Variants in PCCA observed in about 807,000 individuals in gnomAD.
The protein encoded by PCCA is propionyl-CoA carboxylase alpha chain, mitochondrial.
Under a neutral mutation model 101.3 loss-of-function variants are expected in PCCA, and 74 were observed. The observed-to-expected ratio is 0.73, with a 90% CI of 0.61 to 0.89. PCCA has a LOEUF of 0.89. Ranked by LOEUF, PCCA falls within the 40% of genes least tolerant of loss-of-function variation. PCCA has a pLI of 0.00. For synonymous variants in PCCA, 294 were observed against 313.6 expected (o/e 0.94, Z 0.66); for missense variants, 891 against 907.0 (o/e 0.98, Z 0.23).
At chr13:100,446,576 G>A (rs1214156555) in intron 20 of PCCA, among the ~76,000 whole-genome samples, 3 of 152,188 alleles carry the variant, frequency 2.0e-5, no homozygotes, top group Non-Finnish European at 4.4e-5. Context: ...GAGGTAGATG[G>A]ATGATTAGAT....
At chr13:100,498,964 T>C (rs2893025) in intron 21 of PCCA, among the ~76,000 whole-genome samples, 73,178 of 152,042 alleles carry the variant, frequency 0.48, 18,353 homozygotes, top group East Asian at 0.83. Context: ...GGCATTGATT[T>C]GGTTCTCTGG....
At chr13:100,166,230 T>C (rs370094621) in intron 6 of PCCA, among the ~76,000 whole-genome samples, 1 of 151,754 alleles carries the variant, frequency 6.6e-6, no homozygotes, top group South Asian at 2.1e-4. Flanking sequence ...ACACAAGTTA[T>C]GCTGTTTTTT....
chr13:100,343,059 G>A (rs1401944648), intron 18 of PCCA, among the ~76,000 whole-genome samples: 4 of 152,142 alleles, frequency 2.6e-5, no homozygotes, highest in Admixed American at 6.6e-5. Flanking sequence ...GCGGGGGCGT[G>A]GTGGCGGGTG....
At chr13:100,397,805 C>G (rs970305619) in intron 19 of PCCA, among the ~76,000 whole-genome samples, 1 of 151,990 alleles carries the variant, frequency 6.6e-6, no homozygotes, top group Non-Finnish European at 1.5e-5. Flanking sequence ...GTGTGACTGT[C>G]GTTCAGAACA....
At chr13:100,296,430 T>C (rs960735600) in intron 12 of PCCA, among the ~76,000 whole-genome samples, 2 of 150,702 alleles carry the variant, frequency 1.3e-5, no homozygotes, top group African/African-American at 4.9e-5. Context: ...TTTTTTTTTT[T>C]AAATAGAGAC....
At chr13:100,523,410 C>T (rs837323) in intron 22 of PCCA, among the ~76,000 whole-genome samples, 82,465 of 151,950 alleles carry the variant, frequency 0.54, 22,857 homozygotes, top group East Asian at 0.77. Flanking sequence ...AATTGGCAGC[C>T]TATATCCATT....
chr13:100,302,987 C>T lies in PCCA; in HGVS notation c.1273C>T (p.His425Tyr). The change falls in exon 14 of 24, where the codon CAT (histidine) becomes TAT (tyrosine). Residue 425 changes from histidine (H) to tyrosine (Y), a missense_variant. Coordinates refer to ENST00000376285, the MANE Select transcript of PCCA (RefSeq NM_000282.4). ...ATTGTCTCAGTACCAAGAACCGTTA[C>T]ATCTACCTGGTGTAAGTCATTAAGC... is the stretch of plus-strand genomic sequence containing the variant. ...GRLSQYQEPLHLPGVRVDSGI... is the reference protein window; with the variant it reads ...GRLSQYQEPLYLPGVRVDSGI... 6.3e-7 allele frequency: 1 copy of T among 1,583,420 alleles called. No homozygotes were observed. Among genetic ancestry groups the T allele is most frequent in the East Asian group, 2.2e-5 (1 of 44,678 alleles).
chr13:100,142,771 G>C (rs2052042447), intron 4 of PCCA, among the ~76,000 whole-genome samples: 1 of 152,166 alleles, frequency 6.6e-6, no homozygotes, highest in East Asian at 1.9e-4. Flanking sequence ...ACCACACCCA[G>C]CTGAAATGAA....
chr13:100,404,492 TC>T (rs2077553698), intron 19 of PCCA, among the ~76,000 whole-genome samples: 1 of 151,256 alleles, frequency 6.6e-6, no homozygotes, highest in Non-Finnish European at 1.5e-5. Context: ...TTCAAAGGAG[TC>T]CTGGGGGTCC....
intron 18 of PCCA, among the ~76,000 whole-genome samples, chr13:100,356,389 G>T (rs1422233879): frequency 2.0e-5 from 3 of 151,966 alleles, no homozygotes; most frequent in Non-Finnish European, 4.4e-5. Context: ...CTAGTATAGG[G>T]AATTCTTACA....
chr13:100,267,979 A>G (rs1291031834), intron 10 of PCCA, among the ~76,000 whole-genome samples: 2 of 152,102 alleles, frequency 1.3e-5, no homozygotes, highest in Admixed American at 6.6e-5. Flanking sequence ...AGTGTTTCAG[A>G]TTTCAGATTT....
chr13:100,425,971 A>G (rs547744251), intron 20 of PCCA, among the ~76,000 whole-genome samples: 14 of 151,540 alleles, frequency 9.2e-5, no homozygotes, highest in Non-Finnish European at 1.6e-4. Context: ...TTTGTTGTAA[A>G]CAAGGAATTC....
chr13:100,468,006 A>G (rs1253295311), intron 21 of PCCA, among the ~76,000 whole-genome samples: 2 of 152,222 alleles, frequency 1.3e-5, no homozygotes, highest in East Asian at 1.9e-4. Context: ...TGCTTGATCC[A>G]TGGGCTGCGG....
chr13:100,354,107 TAATAA>T (rs1182287519), intron 18 of PCCA, among the ~76,000 whole-genome samples: 1 of 145,092 alleles, frequency 6.9e-6, no homozygotes, highest in Non-Finnish European at 1.5e-5. Context: ...ATAATAATAA[TAATAA>T]TAATAATAAA....
intron 20 of PCCA, among the ~76,000 whole-genome samples, chr13:100,437,527 A>G (rs897800872): frequency 3.1e-4 from 41 of 131,276 alleles, no homozygotes; most frequent in African/African-American, 1.2e-3. Context: ...TTTTATATTT[A>G]TTTGTTTATT....
chr13:100,228,799 C>G (rs2060298387), intron 7 of PCCA, among the ~76,000 whole-genome samples: 1 of 150,364 alleles, frequency 6.7e-6, no homozygotes, highest in Non-Finnish European at 1.5e-5. Context: ...ACTTGGGAGG[C>G]TGAGGCAGGA....
At chr13:100,325,666 A>G (rs1235082879) in intron 16 of PCCA, among the ~76,000 whole-genome samples, 1 of 152,168 alleles carries the variant, frequency 6.6e-6, no homozygotes, top group Non-Finnish European at 1.5e-5. Flanking sequence ...TATGATCTGC[A>G]CTTATCTGTG....
At chr13:100,389,142 C>T (rs991139430) in intron 19 of PCCA, among the ~76,000 whole-genome samples, 2 of 151,998 alleles carry the variant, frequency 1.3e-5, no homozygotes, top group African/African-American at 4.8e-5. Context: ...ACAGGGAGGG[C>T]AGGTGCTGTG....
At chr13:100,413,453 A>G (rs1595807446) in intron 19 of PCCA, among the ~76,000 whole-genome samples, 1 of 152,198 alleles carries the variant, frequency 6.6e-6, no homozygotes, top group African/African-American at 2.4e-5. Context: ...AAGAGAATAA[A>G]TAATGGAGGA....
Sources: gnomAD v4.1 joint callset for allele counts (sites outside exome capture counted in the v4.1 genomes callset) on GRCh38, gnomAD v4.1.1 for gene constraint, MANE v1.5 for transcripts, NCBI Gene and HGNC (gene_info 2026-07-23, HGNC 2026-07-21) for gene names.